Variants in WDR41 observed in about 807,000 individuals in gnomAD.
WDR41 encodes WD repeat-containing protein 41.
In WDR41, 63 loss-of-function variants were observed where a neutral mutation model predicts 69.3. That is an observed-to-expected ratio of 0.91 (90% CI 0.74 to 1.12). WDR41 has a LOEUF of 1.12. WDR41 is among the 50% of genes most tolerant of loss of function. The pLI, the probability that WDR41 is intolerant of heterozygous loss-of-function variation, is 0.00. For missense variants in WDR41, 543 were observed against 534.5 expected (o/e 1.02, Z -0.16); for synonymous variants, 185 against 192.1 (o/e 0.96, Z 0.31).
intron 1 of WDR41, among the ~76,000 whole-genome samples, chr5:77,590,346 A>G (rs933278478): frequency 6.6e-6 from 1 of 152,174 alleles, no homozygotes; most frequent in African/African-American, 2.4e-5. Flanking sequence ...CTGAGCATAT[A>G]ACACCCAACA....
intron 1 of WDR41, among the ~76,000 whole-genome samples, chr5:77,609,091 G>A (rs147356268): frequency 3.3e-5 from 5 of 152,112 alleles, no homozygotes; most frequent in South Asian, 2.1e-4. Flanking sequence ...AGGCAGCAGC[G>A]AGGCTGGGGG....
Position 77,616,971 on chromosome 5 carries a change from G to A in WDR41, c.42+3508C>T, listed in dbSNP as rs548805938. Among the ~76,000 whole-genome samples the A allele has an allele frequency of 3.3e-5, 5 of 152,306 alleles. No individual in the cohort carries two copies. The South Asian group carries it at 1.0e-3, about 32-fold the overall frequency. ...GACTAGGCCAAGTTCCTACTTACAT[G>A]CATTTCTTCAACGGCCTTCAGGGAC... is the stretch of plus-strand genomic sequence containing the variant. On this transcript the variant is annotated intron_variant, in intron 1 of 5. Coordinates refer to the WDR41 transcript ENST00000509971.
intron 1 of WDR41, among the ~76,000 whole-genome samples, chr5:77,500,798 C>T (rs778945310): frequency 2.6e-5 from 4 of 152,086 alleles, no homozygotes; most frequent in Middle Eastern, 3.2e-3. Context: ...GAAGGGCAGA[C>T]GAACTAGAAT....
intron 1 of WDR41, among the ~76,000 whole-genome samples, chr5:77,501,724 G>A (rs1009989454): frequency 3.3e-5 from 5 of 152,098 alleles, no homozygotes; most frequent in South Asian, 2.1e-4. Flanking sequence ...GCCTCTGCTT[G>A]TGATACCAAG....
At chr5:77,513,450 A>G (rs896239958) in intron 1 of WDR41, among the ~76,000 whole-genome samples, 2 of 152,202 alleles carry the variant, frequency 1.3e-5, no homozygotes, top group African/African-American at 4.8e-5. Context: ...ACAATAGTCT[A>G]GATACATTGC....
At chr5:77,528,055 T>C (rs1044653747) in intron 1 of WDR41, among the ~76,000 whole-genome samples, 6 of 151,568 alleles carry the variant, frequency 4.0e-5, no homozygotes, top group African/African-American at 1.5e-4. Flanking sequence ...AAGAAAATAA[T>C]AAAGATTATA....
At chr5:77,610,451 G>C (rs1362123021) in intron 1 of WDR41, among the ~76,000 whole-genome samples, 1 of 152,182 alleles carries the variant, frequency 6.6e-6, no homozygotes, top group African/African-American at 2.4e-5. Context: ...ACTAACAGCT[G>C]ATCTCTCAGC....
At chr5:77,602,433 C>T (rs1048007788) in intron 1 of WDR41, among the ~76,000 whole-genome samples, 1 of 152,148 alleles carries the variant, frequency 6.6e-6, no homozygotes, top group African/African-American at 2.4e-5. Context: ...AGCCATCGTG[C>T]CCAGCCCATT....
chr5:77,523,053 C>T (rs1200170388), intron 1 of WDR41, among the ~76,000 whole-genome samples: 1 of 152,162 alleles, frequency 6.6e-6, no homozygotes, highest in Non-Finnish European at 1.5e-5. Context: ...GTGGCTCACA[C>T]CTGTAATCCC....
intron 1 of WDR41, among the ~76,000 whole-genome samples, chr5:77,618,035 T>A (rs1215571661): frequency 1.3e-5 from 2 of 152,188 alleles, no homozygotes; most frequent in African/African-American, 4.8e-5. Context: ...AGAGAGCTAA[T>A]GAGGAATAAT....
intron 2 of WDR41, among the ~76,000 whole-genome samples, chr5:77,473,731 A>G (rs1800744000): frequency 6.6e-6 from 1 of 152,248 alleles, no homozygotes; most frequent in African/African-American, 2.4e-5. Flanking sequence ...AATGCAAATC[A>G]AAACCACAAT....
rs191176017 is a variant in WDR41 at position 77,592,192 on chromosome 5, T to A, written c.42+28287A>T. On this transcript the variant is annotated intron_variant, in intron 1 of 5. Transcript: ENST00000509971. ...CATTTACTTGAAATATCTTTCCTTA[T>A]CCTTTTATTTTCAGTCTTTCATGTC... Among the ~76,000 whole-genome samples the A allele has an allele frequency of 6.2e-4, 94 of 152,256 alleles. 2 individuals are homozygous for A. The East Asian group carries it at 0.016, about 27-fold the overall frequency.
intron 1 of WDR41, among the ~76,000 whole-genome samples, chr5:77,619,222 A>G (rs1744731705): frequency 6.6e-6 from 1 of 152,230 alleles, no homozygotes; most frequent in Non-Finnish European, 1.5e-5. Context: ...TGGTACCTAA[A>G]GTCAAAGTCG....
intron 1 of WDR41, among the ~76,000 whole-genome samples, chr5:77,536,681 G>A (rs1742989571): frequency 6.6e-6 from 1 of 152,000 alleles, no homozygotes; most frequent in African/African-American, 2.4e-5. Flanking sequence ...ACTTACTATT[G>A]GGTTACAATT....
chr5:77,583,324 G>A (rs972053805), intron 1 of WDR41, among the ~76,000 whole-genome samples: 4 of 151,360 alleles, frequency 2.6e-5, no homozygotes, highest in African/African-American at 9.7e-5. Flanking sequence ...AGACCAGCCT[G>A]AGCAACATGG....
At chr5:77,444,624 A>G (rs547254819) in intron 8 of WDR41, among the ~76,000 whole-genome samples, 1 of 152,334 alleles carries the variant, frequency 6.6e-6, no homozygotes, top group South Asian at 2.1e-4. Context: ...TACAATCCCA[A>G]GCAACTGGCC....
intron 1 of WDR41, among the ~76,000 whole-genome samples, chr5:77,506,607 A>G (rs1802111832): frequency 6.6e-6 from 1 of 152,338 alleles, no homozygotes; most frequent in Admixed American, 6.5e-5. Context: ...TTGCAGTACT[A>G]TTCACAATAG....
At chr5:77,574,322 A>G (rs1168888554) in intron 1 of WDR41, among the ~76,000 whole-genome samples, 1 of 151,948 alleles carries the variant, frequency 6.6e-6, no homozygotes, top group Non-Finnish European at 1.5e-5. Context: ...ATAAATAAAT[A>G]AATAAATAAA....
At chr5:77,553,872 G>C (rs1743341614) in intron 1 of WDR41, among the ~76,000 whole-genome samples, 1 of 152,172 alleles carries the variant, frequency 6.6e-6, no homozygotes, top group Admixed American at 6.5e-5. Flanking sequence ...CTCTGGAAAA[G>C]AGTTTAACAG....
Sources: gnomAD v4.1 joint callset for allele counts (sites outside exome capture counted in the v4.1 genomes callset) on GRCh38, gnomAD v4.1.1 for gene constraint, MANE v1.5 for transcripts, NCBI Gene and HGNC (gene_info 2026-07-23, HGNC 2026-07-21) for gene names.